The following KAZN variants were observed in gnomAD, a reference collection of about 807,000 sequenced individuals.
KAZN encodes kazrin, periplakin interacting protein, also known as kazrin.
In KAZN, 40 loss-of-function variants were observed where a neutral mutation model predicts 87.4. The ratio of observed to expected loss-of-function variants is 0.46; its 90% confidence interval spans 0.36 to 0.60. The LOEUF is 0.60. KAZN is among the 20% of genes least tolerant of loss of function. The pLI, the probability that KAZN is intolerant of heterozygous loss-of-function variation, is 0.00. For synonymous variants in KAZN, 466 were observed against 458.3 expected (o/e 1.02, Z -0.22); for missense variants, 898 against 1,073.9 (o/e 0.84, Z 2.29).
intron 1 of KAZN, among the ~76,000 whole-genome samples, chr1:14,107,153 A>G (rs1170290194): frequency 7.2e-6 from 1 of 138,798 alleles, no homozygotes; most frequent in African/African-American, 2.7e-5. Context: ...TCTTGTCATC[A>G]TTTGGGATTT....
Position 14,434,273 on chromosome 1 carries a change from G to A in KAZN, c.250-164710G>A, listed in dbSNP as rs78748283. ...TTGAACTCTTGGTTATTCTTCCTCC[G>A]CCCCCTCCCTTCTCTCATGCTGCCA... On this transcript the variant is annotated intron_variant, in intron 2 of 16. Coordinates refer to the KAZN transcript ENST00000636203. Among the ~76,000 whole-genome samples, 682 of 152,104 alleles carry A rather than the reference G, an allele frequency of 4.5e-3. 5 individuals carry two copies. Among genetic ancestry groups the A allele is most frequent in the African/African-American group, 0.016 (662 of 41,492 alleles).
intron 2 of KAZN, among the ~76,000 whole-genome samples, chr1:14,434,668 G>A (rs1278553305): frequency 6.6e-6 from 1 of 152,154 alleles, no homozygotes; most frequent in Non-Finnish European, 1.5e-5. Flanking sequence ...GAGTTTTTAG[G>A]ATACAACTCT....
intron 1 of KAZN, among the ~76,000 whole-genome samples, chr1:13,932,729 G>A (rs912466291): frequency 2.6e-5 from 4 of 152,316 alleles, no homozygotes; most frequent in South Asian, 2.1e-4. Flanking sequence ...GGCTTGGGCC[G>A]GAGCTCACAA....
At chr1:14,482,404 T>C (rs369885239) in intron 2 of KAZN, among the ~76,000 whole-genome samples, 12 of 152,036 alleles carry the variant, frequency 7.9e-5, no homozygotes, top group African/African-American at 2.4e-4. Flanking sequence ...CGGCTAAGAG[T>C]GTAGGTGATC....
In KAZN at chr1:14,056,182, A is replaced by G. The variant is rs562237173; in HGVS notation, c.92-124253A>G. ...GTTGGCAGAATACTGTCCCTCAAAG[A>G]TGTCCACCTCTTAATCTCCAGAAAC... is the stretch of plus-strand genomic sequence containing the variant. On this transcript the variant is annotated intron_variant, in intron 1 of 16. Transcript: ENST00000636203. 1.9e-3 allele frequency among the ~76,000 whole-genome samples: 295 copies of G among 152,326 alleles called. 1 individual carries two copies. The highest frequency in any genetic ancestry group is 6.9e-3 in the African/African-American group (287 of 41,562).
chr1:14,858,716 C>A (rs1650466104), intron 1 of KAZN, among the ~76,000 whole-genome samples: 1 of 152,160 alleles, frequency 6.6e-6, no homozygotes, highest in South Asian at 2.1e-4. Flanking sequence ...TAAAAGGATA[C>A]AAATTTAGAG....
intron 1 of KAZN, among the ~76,000 whole-genome samples, chr1:14,007,698 T>G (rs1640095743): frequency 6.6e-6 from 1 of 152,258 alleles, no homozygotes; most frequent in Non-Finnish European, 1.5e-5. Flanking sequence ...AAGGTCATGT[T>G]GAAGTTCAAA....
intron 1 of KAZN, among the ~76,000 whole-genome samples, chr1:14,165,470 A>G (rs1373556274): frequency 1.3e-5 from 2 of 151,894 alleles, no homozygotes; most frequent in Non-Finnish European, 2.9e-5. Context: ...TCCGTGGCTC[A>G]CCCAGGTCTC....
intron 2 of KAZN, chr1:14,180,685 C>G: frequency 2.2e-6 from 2 of 922,726 alleles, no homozygotes; most frequent in Non-Finnish European, 3.2e-6. Context: ...ACTACCACAC[C>G]TATTGAAACC....
chr1:14,857,858 C>A (rs139214712), intron 1 of KAZN, among the ~76,000 whole-genome samples: 1 of 151,852 alleles, frequency 6.6e-6, no homozygotes, highest in East Asian at 1.9e-4. Flanking sequence ...ATACAATTCA[C>A]CCATTTAAAG....
chr1:14,360,065 T>G (rs935305861), intron 2 of KAZN, among the ~76,000 whole-genome samples: 1 of 152,194 alleles, frequency 6.6e-6, no homozygotes, highest in Non-Finnish European at 1.5e-5. Context: ...CCCCTTCACT[T>G]TCAGGTACAC....
chr1:14,165,197 C>T (rs1645799789), intron 1 of KAZN, among the ~76,000 whole-genome samples: 1 of 151,476 alleles, frequency 6.6e-6, no homozygotes, highest in African/African-American at 2.4e-5. Flanking sequence ...TTTCCTGCCT[C>T]TTTAGGACAT....
At chr1:14,610,456 C>A (rs1677726065) in intron 1 of KAZN, among the ~76,000 whole-genome samples, 2 of 152,090 alleles carry the variant, frequency 1.3e-5, no homozygotes, top group Admixed American at 1.3e-4. Context: ...ATCTCCTGAC[C>A]TCGTGATCGA....
chr1:14,849,810 C>G (rs1425252671), intron 1 of KAZN, among the ~76,000 whole-genome samples: 1 of 152,166 alleles, frequency 6.6e-6, no homozygotes, highest in Admixed American at 6.5e-5. Flanking sequence ...TCCATAGCAG[C>G]AGAAGTATTT....
chr1:14,936,863 G>A (rs541618842), intron 1 of KAZN, among the ~76,000 whole-genome samples: 22 of 152,162 alleles, frequency 1.4e-4, no homozygotes, highest in Non-Finnish European at 2.5e-4. Context: ...CTCTGTTCTC[G>A]GTTTTGTGTG....
intron 1 of KAZN, among the ~76,000 whole-genome samples, chr1:14,049,015 C>T (rs146779616): frequency 0.015 from 2,329 of 152,198 alleles, 25 homozygotes; most frequent in African/African-American, 0.025. Flanking sequence ...CACATGCACA[C>T]GTATGTTTAT....
chr1:14,190,704 G>A (rs1646404652), intron 2 of KAZN, among the ~76,000 whole-genome samples: 1 of 152,106 alleles, frequency 6.6e-6, no homozygotes, highest in Admixed American at 6.5e-5. Flanking sequence ...GCTGTCTGGA[G>A]GGTGAGGGAT....
At chr1:14,242,960 A>G (rs910560249) in intron 2 of KAZN, among the ~76,000 whole-genome samples, 3 of 152,248 alleles carry the variant, frequency 2.0e-5, no homozygotes. Context: ...GTTTGTATGC[A>G]TCAGTCTTCT....
chr1:14,804,173 C>T lies in KAZN; in HGVS notation c.227-156511C>T, dbSNP rs545101561. Among the ~76,000 whole-genome samples, 5 of 152,314 alleles carry T rather than the reference C, an allele frequency of 3.3e-5. No individual in the cohort carries two copies. In the South Asian group the frequency reaches 1.0e-3, roughly 32 times the overall value. On this transcript the variant is annotated intron_variant, in intron 1 of 14. Transcript: ENST00000376030. Reference sequence around the variant, plus strand: ...GTGCTGTCCCCCTCCACACTTGGCTCCTGGCAATTCTGTTGGGCAGGGGTC... The same window carrying T: ...GTGCTGTCCCCCTCCACACTTGGCTTCTGGCAATTCTGTTGGGCAGGGGTC...
Sources: allele counts gnomAD v4.1 joint callset (sites outside exome capture counted in the v4.1 genomes callset), GRCh38; gene constraint gnomAD v4.1.1; transcripts MANE v1.5; gene names NCBI Gene and HGNC (gene_info 2026-07-23, HGNC 2026-07-21).